The following PDCD10 variants were observed in gnomAD, a reference collection of about 807,000 sequenced individuals.
The protein encoded by PDCD10 is programmed cell death 10.
In PDCD10, 4 loss-of-function variants were observed where a neutral mutation model predicts 29.2. The observed-to-expected ratio is 0.14, with a 90% confidence interval of 0.07 to 0.31. PDCD10 has a LOEUF of 0.31. PDCD10 is among the 10% of genes least tolerant of loss of function. PDCD10 has a pLI of 1.00. For synonymous variants in PDCD10, 70 were observed against 82.2 expected, an observed-to-expected ratio of 0.85 and a Z score of 0.80; for missense variants, 183 against 257.9, an observed-to-expected ratio of 0.71 and a Z score of 1.99.
intron 2 of PDCD10, chr3:167,730,603 C>G (rs1724708006): frequency 6.6e-6 from 1 of 152,062 alleles, no homozygotes; most frequent in African/African-American, 2.4e-5. Context: ...TATCAGCAAT[C>G]TCTTTTTGAC....
intron 3 of PDCD10, among the ~76,000 whole-genome samples, chr3:167,714,288 TATG>T (rs1318449334): frequency 6.6e-6 from 1 of 152,072 alleles, no homozygotes; most frequent in East Asian, 1.9e-4. Context: ...ACAAACATCA[TATG>T]ATCATTTCAG....
At chr3:167,697,866 T>C in intron 4 of PDCD10, 1 of 454,292 alleles carries the variant, frequency 2.2e-6, no homozygotes, top group Non-Finnish European at 4.4e-6. Flanking sequence ...CCAGAGTTAA[T>C]CTTCAGATTT....
chr3:167,699,663 C>T (rs529285783), intron 4 of PDCD10, among the ~76,000 whole-genome samples: 17 of 152,116 alleles, frequency 1.1e-4, no homozygotes, highest in Admixed American at 3.9e-4. Context: ...AAAAATAAAC[C>T]GAAGGGCAGC....
At chr3:167,704,774 C>T in intron 4 of PDCD10, 68 bp downstream of exon 4, 1 of 1,067,140 alleles carries the variant, frequency 9.4e-7, no homozygotes. Flanking sequence ...AACTGGCAAC[C>T]ATCACATGTA....
chr3:167,719,322 G>T (rs941154508), intron 3 of PDCD10, among the ~76,000 whole-genome samples: 1 of 152,074 alleles, frequency 6.6e-6, no homozygotes, highest in Non-Finnish European at 1.5e-5. Flanking sequence ...ATCTTGATTT[G>T]ATTTGTTATA....
rs538074147 is a variant in PDCD10, at chr3:167,696,870, C to T, written c.268+139G>A. 1.3e-5 allele frequency: 9 copies of T among 718,460 alleles called. No homozygotes were observed. The African/African-American group carries it at 1.4e-4, about 11-fold the overall frequency. 44.5% of individuals were successfully genotyped at this position (718,460 alleles called of 1,614,324 possible). ...TTAGCTTCCACTATCACTATCACCA[C>T]CACCACCATCATCATCATAAGTGAA... On this transcript the variant is annotated intron_variant, in intron 5 of 8. Transcript: ENST00000392750.
At position 167,684,158 on chromosome 3, in the gene PDCD10, A is replaced by C; in HGVS notation, c.*150T>G. The C allele has an allele frequency of 1.7e-6, 1 of 598,476 alleles. No homozygotes were observed. The highest frequency in any genetic ancestry group is 3.1e-6 in the Non-Finnish European group (1 of 327,140). 37.1% of individuals were successfully genotyped at this position (598,476 alleles called of 1,614,324 possible). A position where few individuals can be genotyped will look rare whatever the true frequency, so the allele number is the denominator to read the frequency against. On this transcript the variant is annotated 3_prime_UTR_variant, in exon 9 of 9. Coordinates refer to ENST00000392750, the MANE Select transcript of PDCD10 (RefSeq NM_007217.4). The stretch of plus-strand genomic sequence containing the variant: ...TGATTAAGCTACATTTTACAAAAAT[A>C]TGGTGTAAGATGGCAATAATCCCAT...
rs3792293 is a variant in PDCD10 at position 167,734,716 on chromosome 3, A to G, written c.-308T>C. 0.3 allele frequency: 46,237 copies of G among 154,570 alleles called. 7,451 individuals carry two copies. Among genetic ancestry groups the G allele is most frequent in the African/African-American group, 0.43 (17,695 of 41,562 alleles). The allele number at this position is 154,570 out of a possible 1,614,324, so 9.6% of individuals were successfully genotyped here. A position where few individuals can be genotyped will look rare whatever the true frequency, so the allele number is the denominator to read the frequency against. ...CGCTCCGCCTGCCAGAACCAAGCCC[A>G]AGTGCCTCAGCCATGGCCCCTGCGT... On this transcript the variant is annotated 5_prime_UTR_variant, in exon 1 of 9. Transcript: ENST00000392750.
chr3:167,697,675 T>A (rs1469736428), intron 4 of PDCD10, among the ~76,000 whole-genome samples: 10 of 152,218 alleles, frequency 6.6e-5, no homozygotes, highest in Admixed American at 6.5e-4. Context: ...TTTCATTTCC[T>A]ATTTTATTTT....
At chr3:167,702,423 T>G (rs889489309) in intron 4 of PDCD10, among the ~76,000 whole-genome samples, 1 of 152,220 alleles carries the variant, frequency 6.6e-6, no homozygotes, top group Non-Finnish European at 1.5e-5. Flanking sequence ...GTATGTAATA[T>G]ATAGGATACA....
At position 167,683,451 on chromosome 3, in the gene PDCD10, C is replaced by G. The variant is rs553945538; in HGVS notation, c.*857G>C. 2.1e-4 allele frequency: 32 copies of G among 151,878 alleles called. No homozygotes were observed. The highest frequency in any genetic ancestry group is 7.5e-4 in the African/African-American group (31 of 41,462). 9.4% of individuals were successfully genotyped at this position (151,878 alleles called of 1,614,324 possible). On this transcript the variant is annotated 3_prime_UTR_variant, in exon 9 of 9. Coordinates refer to ENST00000392750, the MANE Select transcript of PDCD10 (RefSeq NM_007217.4). ...ATTAACACTCATGACAATTTCAATC[C>G]AACCGTTGATATAGCTTCAAATTAC...
chr3:167,696,819 A>C (rs570592859), intron 5 of PDCD10, among the ~76,000 whole-genome samples, 190 bp downstream of exon 5: 1 of 152,304 alleles, frequency 6.6e-6, no homozygotes, highest in South Asian at 2.1e-4. Flanking sequence ...AAAAGCAAGA[A>C]AAACCATTTT....
intron 8 of PDCD10, among the ~76,000 whole-genome samples, chr3:167,686,002 A>G (rs1719581561): frequency 6.6e-6 from 1 of 152,178 alleles, no homozygotes; most frequent in South Asian, 2.1e-4. Flanking sequence ...TATCTAATGT[A>G]TTTTTATCAT....
intron 5 of PDCD10, 118 bp downstream of exon 5, chr3:167,696,891 G>C: frequency 2.7e-6 from 2 of 746,450 alleles, no homozygotes; most frequent in Non-Finnish European, 4.9e-6. Context: ...ATCATCATAA[G>C]TGAAAGGGAG....
chr3:167,698,106 C>G (rs1052636791), intron 4 of PDCD10: 10 of 382,802 alleles, frequency 2.6e-5, no homozygotes, highest in Non-Finnish European at 4.2e-5. Context: ...ACTGCAGATA[C>G]AGTTTTCTTC....
Position 167,684,197 on chromosome 3 carries a change from T to A in PDCD10, c.*111A>T. On this transcript the variant is annotated 3_prime_UTR_variant, in exon 9 of 9. Coordinates refer to ENST00000392750, the MANE Select transcript of PDCD10 (RefSeq NM_007217.4). ...CAATAATCCCATTCAACATCCTGGA[T>A]TAGATCCCTTCAGGAGGGACTGATA... 5.7e-6 allele frequency: 4 copies of A among 706,662 alleles called. No individual in the cohort carries two copies. In the South Asian group the frequency reaches 5.8e-5, roughly 10 times the overall value. The allele number at this position is 706,662 out of a possible 1,614,324, so 43.8% of individuals were successfully genotyped here. A position where few individuals can be genotyped will look rare whatever the true frequency, so the allele number is the denominator to read the frequency against.
intron 3 of PDCD10, among the ~76,000 whole-genome samples, chr3:167,718,481 T>C (rs1237028947): frequency 6.6e-6 from 1 of 152,074 alleles, no homozygotes; most frequent in East Asian, 1.9e-4. Context: ...TCTCCAATGC[T>C]ACCATGGTGG....
intron 2 of PDCD10, among the ~76,000 whole-genome samples, chr3:167,724,203 A>G (rs9841137): frequency 1.3e-5 from 2 of 152,124 alleles, no homozygotes; most frequent in African/African-American, 2.4e-5. Context: ...AAGGAGAGGA[A>G]CAACAGAAGC....
chr3:167,711,528 T>C (rs936392790), intron 3 of PDCD10, among the ~76,000 whole-genome samples: 1 of 152,034 alleles, frequency 6.6e-6, no homozygotes, highest in African/African-American at 2.4e-5. Flanking sequence ...TAGAAAATAG[T>C]CTCAAAATGG....
Sources: allele counts gnomAD v4.1 joint callset (sites outside exome capture counted in the v4.1 genomes callset), GRCh38; gene constraint gnomAD v4.1.1; transcripts MANE v1.5; gene names NCBI Gene and HGNC (gene_info 2026-07-23, HGNC 2026-07-21).